KCNJ4: variants seen among roughly 807,000 people sequenced by gnomAD.
The protein encoded by KCNJ4 is inward rectifier potassium channel 4.
Under a neutral mutation model 25.6 loss-of-function variants are expected in KCNJ4, and 3 were observed. The ratio of observed to expected loss-of-function variants is 0.12; its 90% CI spans 0.05 to 0.30. The LOEUF is 0.30. Among genes scored for constraint, KCNJ4 ranks in the 10% least tolerant of loss-of-function variants. KCNJ4 has a pLI of 1.00. For synonymous variants in KCNJ4, 257 were observed against 283.9 expected, an observed-to-expected ratio of 0.91 and a Z score of 0.95; for missense variants, 286 against 666.8, an observed-to-expected ratio of 0.43 and a Z score of 6.29.
In KCNJ4 at chr22:38,427,437, G is replaced by A. The variant is rs779290700; in HGVS notation, c.696C>T (p.Gly232=). The change falls in exon 2 of 2, where the codon GGC becomes GGT. Residue 232 remains glycine, a synonymous_variant. Transcript: ENST00000303592. ...QLIKPYMTQE[G]EYLPLDQRDL... is the part of the protein sequence containing the mutation. ...CCCGCTGGTCCAGGGGCAGGTACTCGCCCTCCTGGGTCATGTAGGGCTTGA... is the reference window on the plus strand; with the variant it reads ...CCCGCTGGTCCAGGGGCAGGTACTCACCCTCCTGGGTCATGTAGGGCTTGA... 28 of 1,613,654 alleles carry A rather than the reference G, an allele frequency of 1.7e-5. No homozygotes were observed. The highest frequency in any genetic ancestry group is 1.6e-4 in the Middle Eastern group (1 of 6,062).
chr22:38,434,870 C>T (rs901917802), intron 1 of KCNJ4, among the ~76,000 whole-genome samples: 9 of 152,258 alleles, frequency 5.9e-5, no homozygotes, highest in Non-Finnish European at 1.2e-4. Context: ...TCAGTTTTCT[C>T]ATCTGCAAAC....
Position 38,426,943 on chromosome 22 carries a change from ACCGCGGCCG to A in KCNJ4, c.1181_1189del (p.Ala394_Ala396del), listed in dbSNP as rs760686675. 15 of 1,612,048 alleles carry A rather than the reference ACCGCGGCCG, an allele frequency of 9.3e-6. No homozygotes were observed. The African/African-American group carries it at 1.5e-4, about 16-fold the overall frequency. On this transcript the variant is annotated inframe_deletion, in exon 2 of 2. Coordinates refer to ENST00000303592, the MANE Select transcript of KCNJ4 (RefSeq NM_152868.3). ...CGCCTCCAGGCCCAGGCCTGCGGCC[ACCGCGGCCG>A]CCGCAGCTGCCTCCTCCTCCATCTC... is the stretch of plus-strand genomic sequence containing the variant.
intron 1 of KCNJ4, among the ~76,000 whole-genome samples, chr22:38,434,274 GC>G (rs35689801): frequency 0.26 from 39,717 of 152,064 alleles, 6,098 homozygotes; most frequent in South Asian, 0.34. Flanking sequence ...GATGTGACTG[GC>G]CTGAGGTCAC....
intron 1 of KCNJ4, among the ~76,000 whole-genome samples, chr22:38,441,296 G>A (rs116908617): frequency 4.9e-3 from 745 of 152,282 alleles, no homozygotes; most frequent in Middle Eastern, 0.01. Flanking sequence ...TCTCCTCATG[G>A]GCTGGGCAGA....
At chr22:38,431,448 G>C (rs561969359) in intron 1 of KCNJ4, among the ~76,000 whole-genome samples, 1 of 152,320 alleles carries the variant, frequency 6.6e-6, no homozygotes, top group South Asian at 2.1e-4. Flanking sequence ...GGCCTCCACA[G>C]TGCAGCCCGA....
intron 1 of KCNJ4, among the ~76,000 whole-genome samples, chr22:38,446,540 G>T (rs540473984): frequency 2.0e-5 from 3 of 152,306 alleles, no homozygotes; most frequent in South Asian, 4.1e-4. Context: ...GGTGATGGGG[G>T]TCTGGAAATC....
intron 1 of KCNJ4, among the ~76,000 whole-genome samples, chr22:38,447,164 C>T (rs997416070): frequency 3.3e-5 from 5 of 151,998 alleles, no homozygotes; most frequent in African/African-American, 1.2e-4. Context: ...GGAGGTGGGC[C>T]ACTCCTCCTG....
chr22:38,435,390 C>G (rs1056760946), intron 1 of KCNJ4, among the ~76,000 whole-genome samples: 15 of 152,188 alleles, frequency 9.9e-5, no homozygotes, highest in African/African-American at 3.4e-4. Flanking sequence ...GAGGATTTTC[C>G]TGGAAGAAAT....
intron 1 of KCNJ4, among the ~76,000 whole-genome samples, chr22:38,447,961 G>A (rs1569124435): frequency 1.3e-5 from 2 of 151,958 alleles, no homozygotes; most frequent in South Asian, 4.2e-4. Context: ...CTACTCGGGA[G>A]GCTGAGGCGG....
intron 1 of KCNJ4, among the ~76,000 whole-genome samples, chr22:38,441,706 C>T (rs1315661463): frequency 6.6e-6 from 1 of 152,208 alleles, no homozygotes; most frequent in Non-Finnish European, 1.5e-5. Flanking sequence ...AGCCCCACTC[C>T]CTCACTTATC....
Position 38,449,869 on chromosome 22 carries a change from A to G in KCNJ4, c.-40+5111T>C, listed in dbSNP as rs1414577487. ...GCCAGGATTGGTCAAGACCTTTGGG[A>G]GTGGGGGGCCAAGACCAGAGCAAGC... On this transcript the variant is annotated intron_variant, in intron 1 of 1. Transcript: ENST00000303592. The surrounding 1 kb of genome is among the most constrained non-coding windows in gnomAD (Gnocchi z 5.2). Among the ~76,000 whole-genome samples, 1 of 152,166 alleles carries G rather than the reference A, an allele frequency of 6.6e-6. No individual in the cohort carries two copies. The highest frequency in any genetic ancestry group is 1.9e-4 in the East Asian group (1 of 5,186).
At position 38,426,814 on chromosome 22, in the gene KCNJ4, C is replaced by T. The variant is rs746078504; in HGVS notation, c.1319G>A (p.Arg440His). The T allele has an allele frequency of 1.2e-5, 20 of 1,611,660 alleles. No individual in the cohort carries two copies. Among genetic ancestry groups the T allele is most frequent in the East Asian group, 2.2e-5 (1 of 44,856 alleles). ...TGGAGGTCAGATGGCAGACTCCCTG[C>T]GGTAGGAGATGTTGTCCAGCGGGAG... ...ASLPLDNISY[R>H]RESAI The change falls in exon 2 of 2, where the codon CGC (arginine) becomes CAC (histidine). Residue 440 changes from arginine (R) to histidine (H), a missense_variant. This residue lies in a region of KCNJ4 where 77 missense variants were observed against 97.6 expected (regional missense o/e 0.79). Transcript: ENST00000303592.
At chr22:38,452,550 G>T (rs954058962) in intron 1 of KCNJ4, among the ~76,000 whole-genome samples, 4 of 152,210 alleles carry the variant, frequency 2.6e-5, no homozygotes, top group Non-Finnish European at 5.9e-5. Flanking sequence ...CTCTCCTCGT[G>T]CAGGGGGAGC....
chr22:38,427,942 G>A lies in KCNJ4; in HGVS notation c.191C>T (p.Ala64Val), dbSNP rs1246668207. ...AAAGAGCCAGGAGACAAGGAAGGCC[G>A]CGGAGAAGATCATGAGCATGTAGCG... ...RWRYMLMIFS[A>V]AFLVSWLFFG... The change falls in exon 2 of 2, where the codon GCG becomes GTG. Residue 64 changes from alanine (A) to valine (V), a missense_variant. By Grantham distance (64) the Ala-to-Val change is moderately conservative. Coordinates refer to ENST00000303592, the MANE Select transcript of KCNJ4 (RefSeq NM_152868.3). 6.2e-7 allele frequency: 1 copy of A among 1,613,914 alleles called. No homozygotes were observed. The highest frequency in any genetic ancestry group is 8.5e-7 in the Non-Finnish European group (1 of 1,179,784).
At chr22:38,440,678 C>T (rs540437272) in intron 1 of KCNJ4, among the ~76,000 whole-genome samples, 15 of 152,314 alleles carry the variant, frequency 9.8e-5, no homozygotes, top group African/African-American at 3.6e-4. Context: ...GAGGTATATT[C>T]GGCTGGGGAG....
At chr22:38,430,827 C>T (rs538388293) in intron 1 of KCNJ4, among the ~76,000 whole-genome samples, 1 of 152,188 alleles carries the variant, frequency 6.6e-6, no homozygotes, top group Non-Finnish European at 1.5e-5. Flanking sequence ...ATAGGGTCAC[C>T]GAGTTCAGGA....
chr22:38,429,345 A>C (rs1198437575), intron 1 of KCNJ4, among the ~76,000 whole-genome samples: 1 of 152,136 alleles, frequency 6.6e-6, no homozygotes, highest in East Asian at 1.9e-4. Flanking sequence ...TGGCTCAGAG[A>C]TGGAAAGCCA....
At chr22:38,452,514 C>T (rs925644090) in intron 1 of KCNJ4, among the ~76,000 whole-genome samples, 10 of 152,220 alleles carry the variant, frequency 6.6e-5, no homozygotes, top group Admixed American at 2.6e-4. Context: ...GCCACTTGCC[C>T]CCGGCCCTCT....
chr22:38,451,046 G>A (rs528514195), intron 1 of KCNJ4, among the ~76,000 whole-genome samples: 4 of 152,220 alleles, frequency 2.6e-5, no homozygotes, highest in East Asian at 1.9e-4. Context: ...TCTATAACAC[G>A]GGGACATCAA....
Sources: allele counts gnomAD v4.1 joint callset (sites outside exome capture counted in the v4.1 genomes callset), GRCh38; gene constraint gnomAD v4.1.1; regional missense constraint gnomAD v4.1.1; non-coding constraint Gnocchi (gnomAD v3.1); transcripts MANE v1.5; gene names NCBI Gene and HGNC (gene_info 2026-07-23, HGNC 2026-07-21).